The following APOBEC4 variants were observed in gnomAD, a reference collection of about 807,000 sequenced individuals.
The protein encoded by APOBEC4 is apolipoprotein B mRNA editing enzyme catalytic polypeptide like 4.
For synonymous variants in APOBEC4, 141 were observed against 154.2 expected (o/e 0.91, Z 0.63); for missense variants, 375 against 441.2 (o/e 0.85, Z 1.34).
chr1:183,646,504 A>G lies in APOBEC4; in HGVS notation c.*1174T>C, dbSNP rs1052444438. ...TGTAATGTATCTTTACATATTTCAA[A>G]GAGGCAAGTGGCAGCAAATGTGAAA... is the stretch of plus-strand genomic sequence containing the variant. On this transcript the variant is annotated 3_prime_UTR_variant, in exon 2 of 2. Transcript: ENST00000308641. 1.3e-5 allele frequency: 2 copies of G among 152,318 alleles called. No individual in the cohort carries two copies. Among genetic ancestry groups the G allele is most frequent in the East Asian group, 3.9e-4 (2 of 5,192 alleles). 9.4% of individuals were successfully genotyped at this position (152,318 alleles called of 1,614,324 possible).
Position 183,647,597 on chromosome 1 carries a change from TGA to T in APOBEC4, c.*79_*80del. ...GTTTATCTCCATCTTGGCTCAGCCC[TGA>T]GAGAGAAAGTTTCCAGATTTTTATT... On this transcript the variant is annotated 3_prime_UTR_variant, in exon 2 of 2. Transcript: ENST00000308641. 1 of 1,498,762 alleles carries T rather than the reference TGA, an allele frequency of 6.7e-7. No homozygotes were observed. Among genetic ancestry groups the T allele is most frequent in the African/African-American group, 1.4e-5 (1 of 71,738 alleles). The allele number at this position is 1,498,762 out of a possible 1,614,324, so 92.8% of individuals were successfully genotyped here. A position where few individuals can be genotyped will look rare whatever the true frequency, so the allele number is the denominator to read the frequency against.
At position 183,646,426 on chromosome 1, in the gene APOBEC4, T is replaced by C. The variant is rs1334227233; in HGVS notation, c.*1252A>G. On this transcript the variant is annotated 3_prime_UTR_variant, in exon 2 of 2. Transcript: ENST00000308641. ...TATTAGCTTAGGATTACTTTATATA[T>C]ATATATAAAGAAAAAAATTAATAGC... 6.6e-6 allele frequency: 1 copy of C among 151,770 alleles called. No individual in the cohort carries two copies. Among genetic ancestry groups the C allele is most frequent in the Non-Finnish European group, 1.5e-5 (1 of 67,944 alleles). 9.4% of individuals were successfully genotyped at this position (151,770 alleles called of 1,614,324 possible). A position where few individuals can be genotyped will look rare whatever the true frequency, so the allele number is the denominator to read the frequency against.
chr1:183,648,340 T>C lies in APOBEC4; in HGVS notation c.442A>G (p.Ile148Val), dbSNP rs796124687. The C allele has an allele frequency of 7.4e-6, 12 of 1,614,118 alleles. No individual in the cohort carries two copies. The East Asian group carries it at 2.4e-4, about 33-fold the overall frequency. ...TGAGAAAAATAAATACTAAGAGTGA[T>C]GCCTGGATACGTAATCAGGAAATTA... The part of the protein sequence containing the change: ...MYNFLITYPG[I>V]TLSIYFSQLY... The change falls in exon 2 of 2, where the codon ATC (isoleucine) becomes GTC (valine). Residue 148 changes from isoleucine to valine, a missense_variant. Coordinates refer to ENST00000308641, the MANE Select transcript of APOBEC4 (RefSeq NM_203454.3).
chr1:183,647,924 G>A lies in APOBEC4; in HGVS notation c.858C>T (p.Asp286=). The change falls in exon 2 of 2, where the codon GAC becomes GAT. Residue 286 remains aspartate (D), a synonymous_variant. Coordinates refer to ENST00000308641, the MANE Select transcript of APOBEC4 (RefSeq NM_203454.3). Reference sequence around the variant, plus strand: ...GCACAAAAACAACAGGAGCCCTGAGGTCTGGAGGTAGGTTGGGTTGGAGTT... The same window carrying A: ...GCACAAAAACAACAGGAGCCCTGAGATCTGGAGGTAGGTTGGGTTGGAGTT... ...SGQLQPNLPP[D]LRAPVVFVLV... 1.9e-6 allele frequency: 3 copies of A among 1,614,218 alleles called. No homozygotes were observed. The highest frequency in any genetic ancestry group is 2.5e-6 in the Non-Finnish European group (3 of 1,180,042).
intron 1 of APOBEC4, among the ~76,000 whole-genome samples, chr1:183,649,356 A>C (rs1284569070): frequency 6.6e-6 from 1 of 152,254 alleles, no homozygotes; most frequent in Non-Finnish European, 1.5e-5. Context: ...TTATAAAAGT[A>C]CAAAAAAGTG....
In APOBEC4 at chr1:183,647,562, T is replaced by C. The variant is rs1208386942; in HGVS notation, c.*116A>G. 2 of 1,435,252 alleles carry C rather than the reference T, an allele frequency of 1.4e-6. No homozygotes were observed. Among genetic ancestry groups the C allele is most frequent in the East Asian group, 4.6e-5 (2 of 43,510 alleles). 88.9% of individuals were successfully genotyped at this position (1,435,252 alleles called of 1,614,324 possible). On this transcript the variant is annotated 3_prime_UTR_variant, in exon 2 of 2. Transcript: ENST00000308641. ...TGGTAAATAATTCAAGGTTTGCTTT[T>C]AGTGCATCAGTTTATCTCCATCTTG...
chr1:183,652,422 G>A (rs952932985), intron 1 of APOBEC4, among the ~76,000 whole-genome samples: 1 of 152,184 alleles, frequency 6.6e-6, no homozygotes, highest in Non-Finnish European at 1.5e-5. Flanking sequence ...TCCTATTGGT[G>A]AAGTTTTCAC....
rs544802087 is a variant in APOBEC4 at position 183,653,077 on chromosome 1, A to G, written c.-36T>C. The G allele has an allele frequency of 1.6e-4, 24 of 152,292 alleles. No homozygotes were observed. Among genetic ancestry groups the G allele is most frequent in the African/African-American group, 4.8e-4 (20 of 41,548 alleles). The allele number at this position is 152,292 out of a possible 1,614,324, so 9.4% of individuals were successfully genotyped here. ...ATGTTAGCAGTTATAATTACCATCA[A>G]TTTGTCTCCAGGCTTGGATCACATT... On this transcript the variant is annotated 5_prime_UTR_variant, in exon 1 of 2. Transcript: ENST00000308641.
chr1:183,652,159 TCCCATAATTA>T (rs1401624786), intron 1 of APOBEC4, among the ~76,000 whole-genome samples: 1 of 152,206 alleles, frequency 6.6e-6, no homozygotes, highest in Non-Finnish European at 1.5e-5. Context: ...TATATAATGG[TCCCATAATTA>T]CCCTTTTGGG....
rs1168427256 is a variant in APOBEC4, at chr1:183,647,872, T to C, written c.910A>G (p.Met304Val). The C allele has an allele frequency of 6.2e-7, 1 of 1,614,148 alleles. No individual in the cohort carries two copies. The highest frequency in any genetic ancestry group is 1.1e-5 in the South Asian group (1 of 91,084). Residue 304 changes from methionine (M) to valine (V), a missense_variant, in exon 2 of 2, where the codon ATG becomes GTG. Transcript: ENST00000308641. The part of the protein sequence containing the change: ...VLVPLRDLPP[M>V]HMGQNPNKPR... The stretch of plus-strand genomic sequence containing the variant: ...TTATTTGGGTTTTGGCCCATATGCA[T>C]TGGTGGTAAGTCCCTGAGAGGCACT...
intron 1 of APOBEC4, among the ~76,000 whole-genome samples, chr1:183,649,331 C>T (rs977223059): frequency 6.6e-6 from 1 of 152,190 alleles, no homozygotes; most frequent in Non-Finnish European, 1.5e-5. Flanking sequence ...CTAGGGTTAT[C>T]TAGATTATTC....
intron 1 of APOBEC4, 31 bp from the exon 2 acceptor site, chr1:183,648,842 C>T: frequency 7.3e-7 from 1 of 1,370,702 alleles, no homozygotes. Context: ...ACATATAAAA[C>T]CAGCGCAGGA....
intron 1 of APOBEC4, among the ~76,000 whole-genome samples, chr1:183,649,633 GTC>G (rs1650570308): frequency 6.6e-6 from 1 of 152,166 alleles, no homozygotes; most frequent in South Asian, 2.1e-4. Flanking sequence ...CCGTGAGTGG[GTC>G]TTGTTAGAAG....
intron 1 of APOBEC4, among the ~76,000 whole-genome samples, chr1:183,650,499 C>T (rs1008801190): frequency 1.3e-5 from 2 of 152,118 alleles, no homozygotes; most frequent in African/African-American, 2.4e-5. Context: ...GCCAACATCC[C>T]ACCACTGCAC....
intron 1 of APOBEC4, among the ~76,000 whole-genome samples, chr1:183,649,057 A>T (rs1008733513): frequency 6.6e-6 from 1 of 152,234 alleles, no homozygotes; most frequent in Admixed American, 6.5e-5. Context: ...AAAGCAAATG[A>T]GTTAACAATG....
rs760123722 is a variant in APOBEC4, at chr1:183,648,079, C to T, written c.703G>A (p.Val235Ile). ...AGAACATCAGTGAAGTAAGGTTTTACGCCTGTTATGGCATTGATTTCATAT... is the reference window on the plus strand; with the variant it reads ...AGAACATCAGTGAAGTAAGGTTTTATGCCTGTTATGGCATTGATTTCATAT... ...NAYEINAITGVKPYFTDVLLQ... is the reference protein window; with the variant it reads ...NAYEINAITGIKPYFTDVLLQ... The change falls in exon 2 of 2, where the codon GTA becomes ATA. Residue 235 changes from valine to isoleucine, a missense_variant. Coordinates refer to ENST00000308641, the MANE Select transcript of APOBEC4 (RefSeq NM_203454.3). 7.6e-5 allele frequency: 123 copies of T among 1,614,102 alleles called. No homozygotes were observed. Among genetic ancestry groups the T allele is most frequent in the Non-Finnish European group, 9.7e-5 (114 of 1,180,052 alleles).
chr1:183,652,318 G>A (rs779790365), intron 1 of APOBEC4, among the ~76,000 whole-genome samples: 1 of 152,184 alleles, frequency 6.6e-6, no homozygotes, highest in Non-Finnish European at 1.5e-5. Context: ...CTGTCTTTAA[G>A]GAGATGGAGA....
Position 183,647,785 on chromosome 1 carries a change from G to C in APOBEC4, c.997C>G (p.Leu333Val), listed in dbSNP as rs1187798636. The change falls in exon 2 of 2, where the codon CTT becomes GTT. Residue 333 changes from leucine to valine, a missense_variant. Coordinates refer to ENST00000308641, the MANE Select transcript of APOBEC4 (RefSeq NM_203454.3). ...PQMSFQETKD[L>V]GRLPTGRSVE... ...GACCTTCCAGTGGGAAGCCTTCCAA[G>C]GTCCTTGGTTTCCTGGAATGACATT... 1 of 1,614,132 alleles carries C rather than the reference G, an allele frequency of 6.2e-7. No homozygotes were observed. Among genetic ancestry groups the C allele is most frequent in the African/African-American group, 1.3e-5 (1 of 75,020 alleles).
chr1:183,647,609 T>C lies in APOBEC4; in HGVS notation c.*69A>G, dbSNP rs1378277815. The C allele has an allele frequency of 2.0e-6, 3 of 1,501,614 alleles. No homozygotes were observed. Among genetic ancestry groups the C allele is most frequent in the Non-Finnish European group, 8.8e-7 (1 of 1,130,030 alleles). 93.0% of individuals were successfully genotyped at this position (1,501,614 alleles called of 1,614,324 possible). A position where few individuals can be genotyped will look rare whatever the true frequency, so the allele number is the denominator to read the frequency against. On this transcript the variant is annotated 3_prime_UTR_variant, in exon 2 of 2. Transcript: ENST00000308641. Reference sequence around the variant, plus strand: ...CTTGGCTCAGCCCTGAGAGAGAAAGTTTCCAGATTTTTATTGCCTATCTAA... The same window carrying C: ...CTTGGCTCAGCCCTGAGAGAGAAAGCTTCCAGATTTTTATTGCCTATCTAA...
Sources: gnomAD v4.1 joint callset for allele counts (sites outside exome capture counted in the v4.1 genomes callset) on GRCh38, gnomAD v4.1.1 for gene constraint, MANE v1.5 for transcripts, NCBI Gene and HGNC (gene_info 2026-07-23, HGNC 2026-07-21) for gene names.